DLG2: variants seen among roughly 807,000 people sequenced by gnomAD.
DLG2 encodes discs large MAGUK scaffold protein 2, also known as disks large homolog 2.
DLG2 carries 45 observed loss-of-function variants against 132.5 expected under a neutral mutation model. That is an observed-to-expected ratio of 0.34 (90% confidence interval 0.27 to 0.44). The LOEUF (loss-of-function observed/expected upper bound fraction) is 0.44, where lower values mean the gene tolerates loss of function less well. DLG2 is among the 20% of genes least tolerant of loss of function. The probability of loss-of-function intolerance (pLI) is 1.00; values close to 1 mark genes in which losing one functional copy is unlikely to be tolerated. For synonymous variants in DLG2, 424 were observed against 419.6 expected, an observed-to-expected ratio of 1.01 and a Z score of -0.13; for missense variants, 1,045 against 1,196.9, an observed-to-expected ratio of 0.87 and a Z score of 1.87.
At chr11:84,749,672 A>T (rs2065851904) in intron 6 of DLG2, among the ~76,000 whole-genome samples, 1 of 152,124 alleles carries the variant, frequency 6.6e-6, no homozygotes, top group South Asian at 2.1e-4. Context: ...CATTTCTCAG[A>T]ACCTATCCCT....
chr11:83,814,441 T>C (rs1300577966), intron 17 of DLG2: 3 of 210,030 alleles, frequency 1.4e-5, no homozygotes, highest in East Asian at 2.2e-4. Flanking sequence ...TTCAGAATGA[T>C]AGCTTTACAC....
Position 84,024,064 on chromosome 11 carries a change from G to C in DLG2, c.919+35251C>G, listed in dbSNP as rs192805745. On this transcript the variant is annotated intron_variant, in intron 11 of 27. Coordinates refer to ENST00000376104, the MANE Select transcript of DLG2 (RefSeq NM_001142699.3). ...AGTAGGCTGTTCATAGTTAAGTTTT[G>C]GGGGAATCAAAAGTGATATGTGGAT... 5.9e-5 allele frequency among the ~76,000 whole-genome samples: 9 copies of C among 152,136 alleles called. No homozygotes were observed. In the East Asian group the frequency reaches 1.7e-3, roughly 29 times the overall value.
chr11:83,634,919 CT>C (rs1169471982), intron 18 of DLG2, among the ~76,000 whole-genome samples: 16 of 152,262 alleles, frequency 1.1e-4, no homozygotes, highest in African/African-American at 3.4e-4. Context: ...ATTTGGAAGG[CT>C]TCCTGCTCAT....
At position 85,519,263 on chromosome 11, in the gene DLG2, G is replaced by T. The variant is rs572245898; in HGVS notation, c.40+79394C>A. 4.6e-5 allele frequency among the ~76,000 whole-genome samples: 7 copies of T among 152,310 alleles called. No homozygotes were observed. In the East Asian group the frequency reaches 1.4e-3, roughly 29 times the overall value. ...GAAAAGCTGCAGACAGTGCCAGCCT[G>T]TGAAATTAGCCAGGATGGAGGCTGT... On this transcript the variant is annotated intron_variant, in intron 3 of 27. Transcript: ENST00000376104.
chr11:85,142,855 T>C (rs1247854785), intron 5 of DLG2, among the ~76,000 whole-genome samples: 1 of 151,874 alleles, frequency 6.6e-6, no homozygotes, highest in Admixed American at 6.6e-5. Context: ...ATATATTACA[T>C]TGATTGATTT....
At chr11:84,354,601 G>A (rs983092110) in intron 7 of DLG2, among the ~76,000 whole-genome samples, 1 of 152,088 alleles carries the variant, frequency 6.6e-6, no homozygotes, top group Non-Finnish European at 1.5e-5. Context: ...CTCCTTAGAA[G>A]TGTTGCCTTT....
At chr11:85,293,482 A>G (rs2079037142) in intron 3 of DLG2, among the ~76,000 whole-genome samples, 1 of 152,186 alleles carries the variant, frequency 6.6e-6, no homozygotes. Context: ...TCAAATACCA[A>G]GAAGAACATA....
At chr11:85,235,548 G>C (rs2075539822) in intron 4 of DLG2, among the ~76,000 whole-genome samples, 1 of 151,946 alleles carries the variant, frequency 6.6e-6, no homozygotes. Flanking sequence ...CCTAATGAAT[G>C]AGTAGAATTT....
At chr11:84,360,776 T>C (rs1359929335) in intron 7 of DLG2, among the ~76,000 whole-genome samples, 2 of 151,756 alleles carry the variant, frequency 1.3e-5, no homozygotes, top group Admixed American at 1.3e-4. Flanking sequence ...TTATCACCCA[T>C]AATTAGGAAA....
intron 3 of DLG2, among the ~76,000 whole-genome samples, chr11:85,528,277 G>A (rs890113252): frequency 6.6e-6 from 1 of 152,060 alleles, no homozygotes; most frequent in Non-Finnish European, 1.5e-5. Flanking sequence ...TGTCCTGAAT[G>A]GTATTGCCTA....
intron 9 of DLG2, among the ~76,000 whole-genome samples, chr11:84,126,736 A>G (rs1250234190): frequency 6.6e-6 from 1 of 152,168 alleles, no homozygotes; most frequent in Admixed American, 6.5e-5. Context: ...TAAAAATTAG[A>G]CTATGTTTTT....
chr11:85,097,144 T>A (rs1437382675), intron 6 of DLG2, among the ~76,000 whole-genome samples: 2 of 152,190 alleles, frequency 1.3e-5, no homozygotes, highest in East Asian at 1.9e-4. Flanking sequence ...TCTTCTCTCA[T>A]CTCCCAGGGT....
At chr11:85,524,305 C>A (rs1354255859) in intron 3 of DLG2, among the ~76,000 whole-genome samples, 1 of 151,592 alleles carries the variant, frequency 6.6e-6, no homozygotes, top group Non-Finnish European at 1.5e-5. Context: ...AGTCAATTTG[C>A]CCTAAGGAAA....
chr11:83,673,575 G>A (rs1324027193), intron 18 of DLG2, among the ~76,000 whole-genome samples: 5 of 152,066 alleles, frequency 3.3e-5, no homozygotes, highest in Non-Finnish European at 5.9e-5. Context: ...TTTTTTGTTC[G>A]ATTAAGGGGC....
chr11:84,073,023 A>C (rs2096779420), intron 10 of DLG2, among the ~76,000 whole-genome samples: 1 of 152,214 alleles, frequency 6.6e-6, no homozygotes, highest in African/African-American at 2.4e-5. Context: ...ATAAATCATA[A>C]GTTTTGATTT....
intron 3 of DLG2, among the ~76,000 whole-genome samples, chr11:85,382,468 C>T (rs906907655): frequency 3.9e-5 from 6 of 151,932 alleles, no homozygotes; most frequent in African/African-American, 1.4e-4. Flanking sequence ...TGAACTATTT[C>T]TTAGACACAT....
At chr11:83,790,585 T>C in intron 17 of DLG2, 1 of 1,316,674 alleles carries the variant, frequency 7.6e-7, no homozygotes, top group Admixed American at 1.7e-5. Context: ...TGGGCTTCTG[T>C]GCCAGTAAGT....
chr11:84,339,152 C>A (rs1230978345), intron 7 of DLG2, among the ~76,000 whole-genome samples: 1 of 152,052 alleles, frequency 6.6e-6, no homozygotes, highest in Non-Finnish European at 1.5e-5. Flanking sequence ...ACTTATTTCC[C>A]TAGCCTTCTC....
chr11:84,669,390 C>T (rs2099703305), intron 6 of DLG2, among the ~76,000 whole-genome samples: 1 of 152,154 alleles, frequency 6.6e-6, no homozygotes, highest in Non-Finnish European at 1.5e-5. Context: ...CAATGGCAAG[C>T]ATTGGCTGTG....
Sources: gnomAD v4.1 joint callset for allele counts (sites outside exome capture counted in the v4.1 genomes callset) on GRCh38, gnomAD v4.1.1 for gene constraint, MANE v1.5 for transcripts, NCBI Gene and HGNC (gene_info 2026-07-23, HGNC 2026-07-21) for gene names.